The following RBM26 variants were observed in gnomAD, a reference collection of about 807,000 sequenced individuals.
RBM26 encodes RNA binding motif protein 26.
RBM26 carries 30 observed loss-of-function variants against 123.6 expected under a neutral mutation model. That is an observed-to-expected ratio of 0.24 (90% CI 0.18 to 0.33). RBM26 has a LOEUF of 0.33. RBM26 is among the 10% of genes least tolerant of loss of function. The probability of loss-of-function intolerance (pLI) is 1.00; values close to 1 mark genes in which losing one functional copy is unlikely to be tolerated. For synonymous variants in RBM26, 400 were observed against 404.4 expected, an observed-to-expected ratio of 0.99 and a Z score of 0.13; for missense variants, 947 against 1,203.6, an observed-to-expected ratio of 0.79 and a Z score of 3.15.
chr13:79,347,119 G>T (rs999125112), intron 14 of RBM26, among the ~76,000 whole-genome samples: 7 of 152,140 alleles, frequency 4.6e-5, no homozygotes, highest in Admixed American at 2.0e-4. Flanking sequence ...AGGAGTGCTG[G>T]TTCAAAGTGA....
chr13:79,373,424 A>AATAT (rs369691957), intron 3 of RBM26, among the ~76,000 whole-genome samples: 1,178 of 13,760 alleles, frequency 0.086, 89 homozygotes, highest in African/African-American at 0.4. Context: ...ATATAAATAA[A>AATAT]ATATAAATAT....
At chr13:79,315,308 G>T (rs947310197), downstream of RBM26, among the ~76,000 whole-genome samples, 1 of 151,762 alleles carries the variant, frequency 6.6e-6, no homozygotes, top group African/African-American at 2.4e-5. Flanking sequence ...ATGTGGGTAG[G>T]CAAAGAAATT....
chr13:79,354,391 A>T, intron 13 of RBM26, 48 bp downstream of exon 13: 1 of 1,394,260 alleles, frequency 7.2e-7, no homozygotes, highest in South Asian at 2.0e-5. Flanking sequence ...AGGGAAACTA[A>T]ATTACTGAGA....
At chr13:79,335,264 T>C (rs115137194) in intron 19 of RBM26, among the ~76,000 whole-genome samples, 4,108 of 152,178 alleles carry the variant, frequency 0.027, 149 homozygotes, top group African/African-American at 0.08. Context: ...AGTTATTAGC[T>C]GTGTAAACAA....
chr13:79,379,701 CA>C (rs78114155), intron 1 of RBM26, among the ~76,000 whole-genome samples: 56 of 134,930 alleles, frequency 4.2e-4, no homozygotes, highest in African/African-American at 6.5e-4. Flanking sequence ...AAAAACAGAA[CA>C]AAAAAAAAAA....
chr13:79,322,248 G>T, intron 21 of RBM26, 101 bp downstream of exon 21: 1 of 696,804 alleles, frequency 1.4e-6, no homozygotes, highest in Non-Finnish European at 2.3e-6. Context: ...TATGGGTCAG[G>T]AATAAAAGTT....
At chr13:79,353,607 G>A (rs1280699412) in intron 13 of RBM26, among the ~76,000 whole-genome samples, 2 of 152,102 alleles carry the variant, frequency 1.3e-5, no homozygotes, top group Non-Finnish European at 2.9e-5. Flanking sequence ...CAAATATACT[G>A]TATTTGGTGA....
chr13:79,378,644 T>C, intron 2 of RBM26, 145 bp downstream of exon 2: 1 of 454,174 alleles, frequency 2.2e-6, no homozygotes, highest in African/African-American at 2.0e-5. Flanking sequence ...TTCACCATGT[T>C]TGCCCGGCTG....
intron 17 of RBM26, among the ~76,000 whole-genome samples, chr13:79,341,941 G>A (rs992051354): frequency 6.6e-6 from 1 of 151,810 alleles, no homozygotes. Context: ...CACCGAGGCT[G>A]TAAAGAACGT....
In RBM26 at chr13:79,373,454, AATATATATAATATGTATAAATATACAAAT is replaced by A. The variant is rs1306126570; in HGVS notation, c.328-1553_328-1525del. On this transcript the variant is annotated intron_variant, in intron 3 of 21. Transcript: ENST00000438737. Reference sequence around the variant, plus strand: ...AAATATATATTATATATTATATATAAATATATATAATATGTATAAATATACAAATATATATAATATGTATAAATATACTT... The same window carrying A: ...AAATATATATTATATATTATATATAAATATATAATATGTATAAATATACTT... Among the ~76,000 whole-genome samples the A allele has an allele frequency of 1.9e-4, 5 of 26,938 alleles. 1 individual carries two copies. Among genetic ancestry groups the A allele is most frequent in the East Asian group, 5.8e-3 (2 of 346 alleles). The allele number at this position is 26,938 out of a possible 152,430, so 17.7% of individuals were successfully genotyped here.
In RBM26 at chr13:79,395,779, A is replaced by G. The variant is rs561538316; in HGVS notation, c.71+9925T>C. The stretch of plus-strand genomic sequence containing the variant: ...AAACAAACAAAAAAATGGAAAATAA[A>G]AAGTATCCAAATCAAAAGCAAAGGG... On this transcript the variant is annotated intron_variant, in intron 1 of 21. Transcript: ENST00000438737. Among the ~76,000 whole-genome samples, 42 of 152,234 alleles carry G rather than the reference A, an allele frequency of 2.8e-4. 1 individual carries two copies. Among genetic ancestry groups the G allele is most frequent in the Admixed American group, 1.5e-3 (23 of 15,282 alleles).
At chr13:79,364,100 T>C (rs866857785) in intron 9 of RBM26, among the ~76,000 whole-genome samples, 72 of 150,578 alleles carry the variant, frequency 4.8e-4, no homozygotes, top group African/African-American at 1.7e-3. Context: ...AATCCATATA[T>C]CCCTCACATA....
At chr13:79,360,492 T>A (rs980026593) in intron 9 of RBM26, among the ~76,000 whole-genome samples, 2 of 150,596 alleles carry the variant, frequency 1.3e-5, no homozygotes, top group African/African-American at 4.9e-5. Context: ...TCACCACAAA[T>A]ATATATATAT....
At chr13:79,323,060 A>G (rs1230016611) in intron 20 of RBM26, among the ~76,000 whole-genome samples, 2 of 151,474 alleles carry the variant, frequency 1.3e-5, no homozygotes, top group African/African-American at 4.8e-5. Context: ...AGGAAAAAAA[A>G]CCCCTCTGAA....
At chr13:79,377,679 C>A (rs1271020989) in intron 2 of RBM26, among the ~76,000 whole-genome samples, 164 bp from the exon 3 acceptor site, 1 of 152,168 alleles carries the variant, frequency 6.6e-6, no homozygotes, top group African/African-American at 2.4e-5. Flanking sequence ...GTAATCCCAG[C>A]ACTTTGGGAG....
intron 20 of RBM26, among the ~76,000 whole-genome samples, chr13:79,327,167 G>A (rs1051989247): frequency 1.3e-5 from 2 of 151,688 alleles, no homozygotes; most frequent in Non-Finnish European, 2.9e-5. Context: ...GTGGCGGCGT[G>A]TGCCTATAGT....
rs1594809863 is a variant in RBM26, at chr13:79,405,686, T to C, written c.71+18A>G. Reference sequence around the variant, plus strand: ...TCCCACTGCCATCCCTGCAAAGAGATATCCCCCGGATACTCACATGGGCTC... The same window carrying C: ...TCCCACTGCCATCCCTGCAAAGAGACATCCCCCGGATACTCACATGGGCTC... On this transcript the variant is annotated intron_variant, in intron 1 of 21. Coordinates refer to ENST00000438737, the MANE Select transcript of RBM26 (RefSeq NM_001366735.2). 6.4e-7 allele frequency: 1 copy of C among 1,564,982 alleles called. No individual in the cohort carries two copies.
Position 79,322,336 on chromosome 13 carries a change from AAAAAT to A in RBM26, c.2934+8_2934+12del, listed in dbSNP as rs1451430922. On this transcript the variant is annotated splice_region_variant and intron_variant, in intron 21 of 21. Coordinates refer to ENST00000438737, the MANE Select transcript of RBM26 (RefSeq NM_001366735.2). The stretch of plus-strand genomic sequence containing the variant: ...GATTAAGGGTAAAAATAAGTGGAAA[AAAAAT>A]AACATACTTCTTCTTCATCAGGCTC... The A allele has an allele frequency of 1.5e-5, 23 of 1,508,350 alleles. No individual in the cohort carries two copies. Among genetic ancestry groups the A allele is most frequent in the Non-Finnish European group, 1.9e-5 (21 of 1,119,846 alleles). 93.4% of individuals were successfully genotyped at this position (1,508,350 alleles called of 1,614,324 possible). A position where few individuals can be genotyped will look rare whatever the true frequency, so the allele number is the denominator to read the frequency against.
At chr13:79,390,304 C>T (rs2077848017) in intron 1 of RBM26, among the ~76,000 whole-genome samples, 1 of 152,016 alleles carries the variant, frequency 6.6e-6, no homozygotes, top group African/African-American at 2.4e-5. Context: ...CAGATATATG[C>T]AATAATATGG....
Sources: gnomAD v4.1 joint callset for allele counts (sites outside exome capture counted in the v4.1 genomes callset) on GRCh38, gnomAD v4.1.1 for gene constraint, MANE v1.5 for transcripts, NCBI Gene and HGNC (gene_info 2026-07-23, HGNC 2026-07-21) for gene names.